The following FTO variants were observed in gnomAD, a reference collection of about 807,000 sequenced individuals.
FTO encodes FTO alpha-ketoglutarate dependent dioxygenase.
FTO carries 47 observed loss-of-function variants against 63.9 expected under a neutral mutation model. The observed-to-expected ratio is 0.74, with a 90% CI of 0.58 to 0.94. FTO has a LOEUF of 0.94. Among genes scored for constraint, FTO ranks in the 40% least tolerant of loss-of-function variants. The pLI is 0.00. For missense variants in FTO, 562 were observed against 618.1 expected (o/e 0.91, Z 0.96); for synonymous variants, 207 against 224.4 (o/e 0.92, Z 0.69).
In FTO at chr16:53,760,239, TGTGTGTGTGTGTGTGTGTG is replaced by T. The variant is rs2077032020; in HGVS notation, c.46-49900_46-49882del. On this transcript the variant is annotated intron_variant, in intron 1 of 8. Transcript: ENST00000471389. ...GTGTGTGTGTGTGTGTGTGTGTGTG[TGTGTGTGTGTGTGTGTGTG>T]TGTTTTTTGGAGACAGGGTCTCACT... is the stretch of plus-strand genomic sequence containing the variant. Among the ~76,000 whole-genome samples, 6 of 14,556 alleles carry T rather than the reference TGTGTGTGTGTGTGTGTGTG, an allele frequency of 4.1e-4. No homozygotes were observed. The African/African-American group carries it at 5.6e-3, about 14-fold the overall frequency. The allele number at this position is 14,556 out of a possible 152,430, so 9.5% of individuals were successfully genotyped here.
intron 8 of FTO, among the ~76,000 whole-genome samples, chr16:54,002,900 T>G (rs2084101437): frequency 6.6e-6 from 1 of 152,172 alleles, no homozygotes. Flanking sequence ...AAGCACAGGC[T>G]TTTGTTGACT....
intron 1 of FTO, among the ~76,000 whole-genome samples, chr16:53,755,574 G>A (rs559109845): frequency 1.3e-5 from 2 of 152,202 alleles, no homozygotes; most frequent in East Asian, 1.9e-4. Context: ...TTCTAGTTTC[G>A]TAAAACTTGG....
chr16:53,819,825 A>AT (rs1185522857), intron 2 of FTO, among the ~76,000 whole-genome samples: 1 of 152,084 alleles, frequency 6.6e-6, no homozygotes, highest in Non-Finnish European at 1.5e-5. Context: ...GTTTTAGAAC[A>AT]TTTTTAGCAC....
In FTO at chr16:54,090,720, T is replaced by C. The variant is rs548195936; in HGVS notation, c.1365-21042T>C. On this transcript the variant is annotated intron_variant, in intron 8 of 8. Transcript: ENST00000471389. ...GTAGTGAGTTAAAACAACCACAGTT[T>C]ATTATTCCTCATCTAAGACTCCGGC... is the stretch of plus-strand genomic sequence containing the variant. 8.5e-5 allele frequency among the ~76,000 whole-genome samples: 13 copies of C among 152,312 alleles called. No individual in the cohort carries two copies. In the East Asian group the frequency reaches 9.6e-4, roughly 11 times the overall value.
chr16:54,024,785 C>T (rs2084678916), intron 8 of FTO, among the ~76,000 whole-genome samples: 1 of 152,146 alleles, frequency 6.6e-6, no homozygotes. Flanking sequence ...AAAGGAAACA[C>T]TCCATAAAGG....
chr16:54,056,277 T>C (rs2144358595), intron 8 of FTO, among the ~76,000 whole-genome samples: 1 of 152,354 alleles, frequency 6.6e-6, no homozygotes, highest in South Asian at 2.1e-4. Flanking sequence ...AATACTCAAC[T>C]TTCCTGTAAC....
At chr16:53,813,386 A>T (rs899163545) in intron 2 of FTO, among the ~76,000 whole-genome samples, 7 of 151,678 alleles carry the variant, frequency 4.6e-5, no homozygotes, top group African/African-American at 1.7e-4. Context: ...TAATTTTTGT[A>T]AGTTTAGTAG....
At chr16:53,859,134 G>T (rs2080097078) in intron 4 of FTO, among the ~76,000 whole-genome samples, 2 of 152,216 alleles carry the variant, frequency 1.3e-5, no homozygotes, top group South Asian at 4.1e-4. Context: ...ATAATTAAAT[G>T]GTTTTCTCCA....
chr16:53,707,405 G>A (rs186416437), intron 1 of FTO, among the ~76,000 whole-genome samples: 277 of 152,304 alleles, frequency 1.8e-3, no homozygotes, highest in African/African-American at 6.6e-3. Context: ...ATGATCCTGA[G>A]ATCCTTAAGA....
rs138697589 is a variant in FTO at position 54,104,427 on chromosome 16, C to T, written c.1365-7335C>T. ...TCCCGGGTTCAAGTGATTCTCCTGC[C>T]TCAGCCTTCTCAGTAGCTGGGATTA... On this transcript the variant is annotated intron_variant, in intron 8 of 8. Coordinates refer to ENST00000471389, the MANE Select transcript of FTO (RefSeq NM_001080432.3). Among the ~76,000 whole-genome samples the T allele has an allele frequency of 3.1e-3, 472 of 151,978 alleles. 3 individuals are homozygous for T. The highest frequency in any genetic ancestry group is 0.014 in the Middle Eastern group (4 of 294).
intron 8 of FTO, among the ~76,000 whole-genome samples, chr16:54,049,615 C>T (rs1309931282): frequency 6.6e-6 from 1 of 152,172 alleles, no homozygotes; most frequent in Non-Finnish European, 1.5e-5. Flanking sequence ...AAATACTTGT[C>T]TTTGTATCTT....
intron 6 of FTO, among the ~76,000 whole-genome samples, chr16:53,883,927 T>C (rs762379936): frequency 1.7e-4 from 26 of 152,236 alleles, no homozygotes; most frequent in Non-Finnish European, 2.9e-4. Context: ...AGCAGTTGCA[T>C]GCTCGCTCTC....
chr16:54,070,746 A>G (rs982494724), intron 8 of FTO: 9 of 152,248 alleles, frequency 5.9e-5, no homozygotes, highest in African/African-American at 2.2e-4. Context: ...AGAGACAGCG[A>G]ACATTTTGCA....
At chr16:53,750,075 A>G (rs1276635979) in intron 1 of FTO, among the ~76,000 whole-genome samples, 1 of 152,220 alleles carries the variant, frequency 6.6e-6, no homozygotes, top group East Asian at 1.9e-4. Flanking sequence ...AAGAAGAGAC[A>G]GAGTTGAATT....
chr16:53,924,533 A>T (rs1460298279), intron 7 of FTO, among the ~76,000 whole-genome samples: 1 of 146,900 alleles, frequency 6.8e-6, no homozygotes, highest in African/African-American at 2.5e-5. Context: ...CCTCTTGAAG[A>T]CTTCTGCCTT....
intron 6 of FTO, among the ~76,000 whole-genome samples, chr16:53,882,110 G>A (rs573788712): frequency 6.6e-6 from 1 of 152,236 alleles, no homozygotes; most frequent in South Asian, 2.1e-4. Context: ...ACTAAAATGT[G>A]GTTGAGAACT....
rs186709378 is a variant in FTO, at chr16:53,881,530, T to C, written c.1119+1543T>C. Reference sequence around the variant, plus strand: ...AGAAGCACAAGAGACTCATGAAGAATAGTCTCCCAGCAAAGACTGCTGGGA... The same window carrying C: ...AGAAGCACAAGAGACTCATGAAGAACAGTCTCCCAGCAAAGACTGCTGGGA... On this transcript the variant is annotated intron_variant, in intron 6 of 8. Coordinates refer to ENST00000471389, the MANE Select transcript of FTO (RefSeq NM_001080432.3). Among the ~76,000 whole-genome samples, 9 of 152,270 alleles carry C rather than the reference T, an allele frequency of 5.9e-5. No individual in the cohort carries two copies. In the East Asian group the frequency reaches 1.7e-3, roughly 29 times the overall value.
chr16:53,723,134 T>A (rs979733487), intron 1 of FTO, among the ~76,000 whole-genome samples: 2 of 152,352 alleles, frequency 1.3e-5, no homozygotes, highest in South Asian at 4.1e-4. Flanking sequence ...TCATTATTAT[T>A]ATTTTTGTAG....
At chr16:54,074,507 C>CACTT (rs1267737492) in intron 8 of FTO, among the ~76,000 whole-genome samples, 1 of 152,096 alleles carries the variant, frequency 6.6e-6, no homozygotes, top group Non-Finnish European at 1.5e-5. Flanking sequence ...TGCCTCTTTT[C>CACTT]ACTTACTATA....
Sources: allele counts gnomAD v4.1 joint callset (sites outside exome capture counted in the v4.1 genomes callset), GRCh38; gene constraint gnomAD v4.1.1; transcripts MANE v1.5; gene names NCBI Gene and HGNC (gene_info 2026-07-23, HGNC 2026-07-21).